TMIGD3: variants seen among roughly 807,000 people sequenced by gnomAD.
TMIGD3 encodes the protein AD026 protein (AD026).
A neutral mutation model predicts 28.1 loss-of-function variants in TMIGD3; 21 were observed. The ratio of observed to expected loss-of-function variants is 0.75; its 90% CI spans 0.53 to 1.08. TMIGD3 has a LOEUF of 1.08. Ranked by LOEUF, TMIGD3 falls within the 50% of genes least tolerant of loss-of-function variation. TMIGD3 has a pLI of 0.00. For missense variants in TMIGD3, 416 were observed against 435.6 expected (o/e 0.96, Z 0.40); for synonymous variants, 151 against 162.1 (o/e 0.93, Z 0.52).
intron 1 of TMIGD3, among the ~76,000 whole-genome samples, chr1:111,529,300 A>G (rs1656370188): frequency 6.6e-6 from 1 of 152,042 alleles, no homozygotes; most frequent in African/African-American, 2.4e-5. Flanking sequence ...TTCCAAGGTT[A>G]TCCTATCCTT....
chr1:111,554,355 TC>T (rs1657393820), intron 1 of TMIGD3, among the ~76,000 whole-genome samples: 1 of 152,206 alleles, frequency 6.6e-6, no homozygotes, highest in Admixed American at 6.5e-5. Flanking sequence ...ATTAAAAACA[TC>T]TTTTGTTTGA....
rs1655347869 is a variant in TMIGD3 at position 111,503,275 on chromosome 1, A to G, written c.80T>C (p.Ile27Thr). 6.2e-7 allele frequency: 1 copy of G among 1,614,208 alleles called. No individual in the cohort carries two copies. Among genetic ancestry groups the G allele is most frequent in the Non-Finnish European group, 8.5e-7 (1 of 1,180,020 alleles). Residue 27 changes from isoleucine to threonine, a missense_variant, in exon 1 of 6, where the codon ATA (isoleucine) becomes ACA (threonine). Transcript: ENST00000369716. ...TMEIFIGLCA[I>T]VGNVLVICVV... Reference sequence around the variant, plus strand: ...GCAGATGACCAGCACGTTGCCCACTATGGCGCAGAGTCCAATGAAAATTTC... The same window carrying G: ...GCAGATGACCAGCACGTTGCCCACTGTGGCGCAGAGTCCAATGAAAATTTC...
intron 1 of TMIGD3, among the ~76,000 whole-genome samples, chr1:111,535,878 A>G (rs1217240400): frequency 1.3e-5 from 2 of 152,206 alleles, no homozygotes; most frequent in African/African-American, 4.8e-5. Flanking sequence ...CCAGACACAC[A>G]ACAGCTTCAT....
At chr1:111,497,888 A>G (rs1654968434) in intron 1 of TMIGD3, among the ~76,000 whole-genome samples, 1 of 152,116 alleles carries the variant, frequency 6.6e-6, no homozygotes, top group African/African-American at 2.4e-5. Context: ...GCTGTTTGTA[A>G]ATTAAGAAGC....
intron 5 of TMIGD3, 150 bp from the exon 6 acceptor site, chr1:111,483,907 T>C (rs555286952): frequency 9.2e-6 from 6 of 653,998 alleles, no homozygotes; most frequent in Middle Eastern, 2.5e-4. Context: ...CAGATATCAT[T>C]ACTGCAAAGC....
chr1:111,560,273 G>A (rs903438768), intron 1 of TMIGD3, among the ~76,000 whole-genome samples: 4 of 152,008 alleles, frequency 2.6e-5, no homozygotes, highest in South Asian at 2.1e-4. Flanking sequence ...GAGGTCAATC[G>A]TTCTCAGCCT....
chr1:111,552,051 A>T (rs759086459), intron 1 of TMIGD3, among the ~76,000 whole-genome samples: 1 of 152,156 alleles, frequency 6.6e-6, no homozygotes, highest in Non-Finnish European at 1.5e-5. Flanking sequence ...TGGTTAATCT[A>T]TTGTTTGCCC....
rs138357858 is a variant in TMIGD3, at chr1:111,547,870, A to G, written c.107+15976T>C. On this transcript the variant is annotated intron_variant, in intron 1 of 5. Transcript: ENST00000369717. ...TAAAGCTTTGTCTAACTCTCTTAAAACACTCTCATAATAAGCAGATGCTAT... is the reference window on the plus strand; with the variant it reads ...TAAAGCTTTGTCTAACTCTCTTAAAGCACTCTCATAATAAGCAGATGCTAT... Among the ~76,000 whole-genome samples, 610 of 152,308 alleles carry G rather than the reference A, an allele frequency of 4.0e-3. 4 individuals carry two copies. The highest frequency in any genetic ancestry group is 0.013 in the African/African-American group (556 of 41,560).
At chr1:111,540,093 C>T (rs1656766544) in intron 1 of TMIGD3, among the ~76,000 whole-genome samples, 1 of 152,100 alleles carries the variant, frequency 6.6e-6, no homozygotes, top group African/African-American at 2.4e-5. Flanking sequence ...TTTTAAATAA[C>T]TTGATTACAA....
chr1:111,534,881 G>GA (rs1455464864), intron 1 of TMIGD3, among the ~76,000 whole-genome samples: 16 of 152,186 alleles, frequency 1.1e-4, no homozygotes, highest in African/African-American at 3.9e-4. Context: ...TTATGTATAG[G>GA]AATCAGTGCA....
chr1:111,531,393 T>G lies in TMIGD3; in HGVS notation c.107+32453A>C, dbSNP rs1392534973. On this transcript the variant is annotated intron_variant, in intron 1 of 5. Coordinates refer to the TMIGD3 transcript ENST00000369717. ...GATCTTTTCTTCACAGTATTTAATC[T>G]GCTGGATGTTAAATCTCAGATATTG... Among the ~76,000 whole-genome samples, 3 of 152,262 alleles carry G rather than the reference T, an allele frequency of 2.0e-5. No homozygotes were observed. The South Asian group carries it at 6.2e-4, about 31-fold the overall frequency.
chr1:111,562,670 A>G (rs1657786964), intron 1 of TMIGD3, among the ~76,000 whole-genome samples: 1 of 152,198 alleles, frequency 6.6e-6, no homozygotes, highest in African/African-American at 2.4e-5. Flanking sequence ...CATGTTTCAA[A>G]TGAAAGTAAT....
chr1:111,483,484 A>AG lies in TMIGD3; in HGVS notation c.*202dup, dbSNP rs1456034449. 3.6e-6 allele frequency: 2 copies of AG among 561,050 alleles called. No homozygotes were observed. The highest frequency in any genetic ancestry group is 6.4e-6 in the Non-Finnish European group (2 of 312,668). The allele number at this position is 561,050 out of a possible 1,614,324, so 34.8% of individuals were successfully genotyped here. A position where few individuals can be genotyped will look rare whatever the true frequency, so the allele number is the denominator to read the frequency against. On this transcript the variant is annotated 3_prime_UTR_variant, in exon 6 of 6. Coordinates refer to ENST00000369716, the MANE Select transcript of TMIGD3 (RefSeq NM_020683.7). ...AACTAAGATCTTGAGATGTTATTTG[A>AG]GGGCAGCCTTGCTTGGGTGTGGTCT...
intron 4 of TMIGD3, among the ~76,000 whole-genome samples, chr1:111,486,218 C>T (rs7548753): frequency 0.038 from 5,853 of 152,210 alleles, 124 homozygotes; most frequent in Non-Finnish European, 0.041. Context: ...GAAGGAAACA[C>T]ACAGATTCGA....
intron 1 of TMIGD3, among the ~76,000 whole-genome samples, chr1:111,543,380 C>A (rs1288020355): frequency 1.3e-5 from 2 of 152,108 alleles, no homozygotes; most frequent in Non-Finnish European, 2.9e-5. Flanking sequence ...AAGGGAAAAA[C>A]CATCCTGTCT....
At chr1:111,527,957 C>G (rs1267803934) in intron 1 of TMIGD3, among the ~76,000 whole-genome samples, 2 of 151,966 alleles carry the variant, frequency 1.3e-5, no homozygotes, top group Non-Finnish European at 2.9e-5. Flanking sequence ...TGGCTTATCA[C>G]CTCATTCTCT....
intron 1 of TMIGD3, among the ~76,000 whole-genome samples, chr1:111,563,181 AG>A (rs2101049976): frequency 6.6e-6 from 1 of 152,288 alleles, no homozygotes; most frequent in Non-Finnish European, 1.5e-5. Context: ...TGGCTGAGGC[AG>A]GAGGATCGAT....
intron 1 of TMIGD3, among the ~76,000 whole-genome samples, chr1:111,495,258 A>C (rs1654838824): frequency 6.6e-6 from 1 of 152,238 alleles, no homozygotes. Context: ...AAGGAACTTA[A>C]ACAAATTTAC....
Position 111,509,018 on chromosome 1 carries a change from C to T in TMIGD3, c.108-18256G>A, listed in dbSNP as rs575077032. The stretch of plus-strand genomic sequence containing the variant: ...GCTGAGGCAGGAGAATTGCTTGAAC[C>T]CGGGAGGCGGAGGTTGCAGTGAGGT... On this transcript the variant is annotated intron_variant, in intron 1 of 5. Coordinates refer to the TMIGD3 transcript ENST00000369717. Among the ~76,000 whole-genome samples the T allele has an allele frequency of 2.0e-5, 3 of 152,346 alleles. No homozygotes were observed. In the South Asian group the frequency reaches 6.2e-4, roughly 32 times the overall value.
Sources: allele counts gnomAD v4.1 joint callset (sites outside exome capture counted in the v4.1 genomes callset), GRCh38; gene constraint gnomAD v4.1.1; transcripts MANE v1.5; gene names NCBI Gene and HGNC (gene_info 2026-07-23, HGNC 2026-07-21).